The following LITAF variants were observed in gnomAD, a reference collection of about 807,000 sequenced individuals.
LITAF encodes the protein lipopolysaccharide induced TNF factor, also known as lipopolysaccharide-induced tumor necrosis factor-alpha factor.
LITAF carries 9 observed loss-of-function variants against 14.5 expected under a neutral mutation model. The observed-to-expected ratio is 0.62, with a 90% CI of 0.37 to 1.08. LITAF has a LOEUF of 1.08. LITAF is among the 50% of genes least tolerant of loss of function. The pLI is 0.01. For synonymous variants in LITAF, 98 were observed against 88.2 expected, an observed-to-expected ratio of 1.11 and a Z score of -0.62; for missense variants, 206 against 213.4, an observed-to-expected ratio of 0.97 and a Z score of 0.22.
At position 11,548,673 on chromosome 16, in the gene LITAF, C is replaced by T. The variant is rs2141676776; in HGVS notation, c.*964G>A. 2.2e-6 allele frequency: 1 copy of T among 453,194 alleles called. No homozygotes were observed. Among genetic ancestry groups the T allele is most frequent in the Non-Finnish European group, 4.4e-6 (1 of 226,658 alleles). The allele number at this position is 453,194 out of a possible 1,614,324, so 28.1% of individuals were successfully genotyped here. A position where few individuals can be genotyped will look rare whatever the true frequency, so the allele number is the denominator to read the frequency against. ...ATTACAGAAAATGGTTTTATAAATC[C>T]TCCTCTTGAAATTATGTTCAGGCCC... is the stretch of plus-strand genomic sequence containing the variant. On this transcript the variant is annotated 3_prime_UTR_variant, in exon 4 of 4. Coordinates refer to ENST00000622633, the MANE Select transcript of LITAF (RefSeq NM_001136472.2).
intron 1 of LITAF, among the ~76,000 whole-genome samples, chr16:11,562,203 G>A (rs969400790): frequency 1.3e-5 from 2 of 150,896 alleles, no homozygotes; most frequent in African/African-American, 4.9e-5. Flanking sequence ...TTACAGGCAT[G>A]AGCCACCGTG....
intron 1 of LITAF, among the ~76,000 whole-genome samples, chr16:11,574,220 T>A (rs2064593881): frequency 6.6e-6 from 1 of 151,938 alleles, no homozygotes; most frequent in African/African-American, 2.4e-5. Context: ...TTTTTTATTT[T>A]TTGTAGAGAC....
upstream of LITAF, among the ~76,000 whole-genome samples, chr16:11,592,083 T>G (rs1329246613): frequency 6.6e-6 from 1 of 152,112 alleles, no homozygotes; most frequent in Non-Finnish European, 1.5e-5. Flanking sequence ...AGCAATAAAA[T>G]AAGAAATAAA....
Position 11,556,545 on chromosome 16 carries a change from A to G in LITAF, c.186T>C (p.Tyr62=). The G allele has an allele frequency of 1.2e-6, 2 of 1,614,204 alleles. No individual in the cohort carries two copies. Among genetic ancestry groups the G allele is most frequent in the Non-Finnish European group, 1.7e-6 (2 of 1,180,044 alleles). ...TATTGGGGATGGGCGCTGGCTGGGT[A>G]TAATACGAAGGAGGATTCATGCCCT... The part of the protein sequence containing the change: ...DGKGMNPPSY[Y]TQPAPIPNNN... The change falls in exon 2 of 4, where the codon TAT becomes TAC. Residue 62 remains tyrosine, a synonymous_variant. Transcript: ENST00000622633.
At chr16:11,587,626 C>G, upstream of LITAF, 2 of 235,168 alleles carry the variant, frequency 8.5e-6, 1 homozygote, top group South Asian at 8.0e-5. Flanking sequence ...CAGGGTGGTC[C>G]GTGCCGCCAG....
chr16:11,573,355 A>T (rs954239738), intron 1 of LITAF, among the ~76,000 whole-genome samples: 1 of 152,200 alleles, frequency 6.6e-6, no homozygotes, highest in African/African-American at 2.4e-5. Context: ...GTATCGATAA[A>T]CTGAGGCTCC....
At chr16:11,580,264 T>G (rs934378675) in intron 1 of LITAF, among the ~76,000 whole-genome samples, 1 of 151,950 alleles carries the variant, frequency 6.6e-6, no homozygotes, top group African/African-American at 2.4e-5. Context: ...CAGTGAAGTT[T>G]TTTTTTTTTT....
At position 11,549,564 on chromosome 16, in the gene LITAF, C is replaced by A. The variant is rs778095903; in HGVS notation, c.*73G>T. 4 of 1,146,030 alleles carry A rather than the reference C, an allele frequency of 3.5e-6. No homozygotes were observed. The highest frequency in any genetic ancestry group is 2.0e-5 in the Admixed American group (1 of 51,168). The allele number at this position is 1,146,030 out of a possible 1,614,324, so 71.0% of individuals were successfully genotyped here. ...TGAGACCACCAGGGCAGAACCTCCA[C>A]CAGGCGTGAAGCTGGATGAGAGGTG... On this transcript the variant is annotated 3_prime_UTR_variant, in exon 4 of 4. Coordinates refer to ENST00000622633, the MANE Select transcript of LITAF (RefSeq NM_001136472.2). The surrounding 1 kb of genome is among the most constrained non-coding windows in gnomAD (Gnocchi z 4.6).
chr16:11,637,910 ATATC>A (rs1431982083), upstream of LITAF, among the ~76,000 whole-genome samples: 12,748 of 60,852 alleles, frequency 0.21, 3,895 homozygotes, highest in Non-Finnish European at 0.25. Context: ...ATATATATAT[ATATC>A]TATATCTATA....
chr16:11,564,176 C>T (rs1030255946), intron 1 of LITAF, among the ~76,000 whole-genome samples: 9 of 152,066 alleles, frequency 5.9e-5, no homozygotes, highest in Non-Finnish European at 1.3e-4. Flanking sequence ...TCCCAAAATG[C>T]TATGGTTACA....
At chr16:11,587,382 G>C (rs1032609567), upstream of LITAF, 1 of 453,772 alleles carries the variant, frequency 2.2e-6, no homozygotes, top group African/African-American at 2.0e-5. Context: ...CCTCTGGAGG[G>C]CGGCCCTTCT....
upstream of LITAF, among the ~76,000 whole-genome samples, chr16:11,639,548 C>G (rs1454109766): frequency 6.6e-6 from 1 of 151,760 alleles, no homozygotes; most frequent in African/African-American, 2.4e-5. Context: ...CATAGGTATT[C>G]CCCGTATAGT....
rs567908262 is a variant in LITAF at position 11,622,417 on chromosome 16, C to T, written c.85+11116G>A. Among the ~76,000 whole-genome samples the T allele has an allele frequency of 2.3e-3, 350 of 152,346 alleles. 2 individuals are homozygous for T. Among genetic ancestry groups the T allele is most frequent in the African/African-American group, 7.9e-3 (329 of 41,576 alleles). ...GCTCAGGCCCAGGAAAAACAAACCC[C>T]GGATGGCTGGAGAGCCCCCGGGAAG... is the stretch of plus-strand genomic sequence containing the variant. On this transcript the variant is annotated intron_variant, in intron 3 of 3. Transcript: ENST00000574848.
chr16:11,553,413 A>G lies in LITAF; in HGVS notation c.377+120T>C. ...GCGACAGAACCAGATTCCATCTCAA[A>G]AAAAAACAACACAAATGTCTGGCCC... is the stretch of plus-strand genomic sequence containing the variant. On this transcript the variant is annotated intron_variant, in intron 3 of 3. Transcript: ENST00000622633. The surrounding 1 kb of genome is among the most constrained non-coding windows in gnomAD (Gnocchi z 7.7). 2 of 1,183,484 alleles carry G rather than the reference A, an allele frequency of 1.7e-6. No homozygotes were observed. Among genetic ancestry groups the G allele is most frequent in the Non-Finnish European group, 2.4e-6 (2 of 827,620 alleles). 73.3% of individuals were successfully genotyped at this position (1,183,484 alleles called of 1,614,324 possible). A position where few individuals can be genotyped will look rare whatever the true frequency, so the allele number is the denominator to read the frequency against.
At chr16:11,560,566 G>A (rs1456190335) in intron 1 of LITAF, among the ~76,000 whole-genome samples, 1 of 144,144 alleles carries the variant, frequency 6.9e-6, no homozygotes, top group African/African-American at 2.6e-5. Context: ...CTGGGCCACA[G>A]AGCGAGATTC....
In LITAF at chr16:11,573,744, CA is replaced by C. The variant is rs561438433; in HGVS notation, c.-6+13141del. Among the ~76,000 whole-genome samples the C allele has an allele frequency of 7.6e-3, 1,087 of 143,724 alleles. 9 individuals carry two copies. Among genetic ancestry groups the C allele is most frequent in the Middle Eastern group, 0.018 (5 of 276 alleles). 94.3% of individuals were successfully genotyped at this position (143,724 alleles called of 152,430 possible). On this transcript the variant is annotated intron_variant, in intron 1 of 3. Transcript: ENST00000622633. ...TTTTTAGGAGTCTTGCTCTGTTGCCCAGGTTGGAGTGCAGTGGCGCGATCTC... is the reference window on the plus strand; with the variant it reads ...TTTTTAGGAGTCTTGCTCTGTTGCCCGGTTGGAGTGCAGTGGCGCGATCTC...
At chr16:11,594,257 A>C (rs958250845) in intron 1 of LITAF, among the ~76,000 whole-genome samples, 2 of 152,122 alleles carry the variant, frequency 1.3e-5, no homozygotes, top group African/African-American at 4.8e-5. Context: ...TGAATTGTAC[A>C]GTTTAAACTA....
intron 3 of LITAF, among the ~76,000 whole-genome samples, chr16:11,619,574 G>GT (rs200552184): frequency 0.026 from 3,764 of 143,988 alleles, 119 homozygotes; most frequent in Admixed American, 0.11. Context: ...CTTTGTTTTT[G>GT]TTTTTTTTTT....
upstream of LITAF, among the ~76,000 whole-genome samples, chr16:11,588,545 G>T (rs1321740166): frequency 8.3e-6 from 1 of 120,172 alleles, no homozygotes; most frequent in Non-Finnish European, 1.8e-5. Flanking sequence ...AGAAAAAGAA[G>T]AAAGAAAGAG....
Sources: allele counts gnomAD v4.1 joint callset (sites outside exome capture counted in the v4.1 genomes callset), GRCh38; gene constraint gnomAD v4.1.1; non-coding constraint Gnocchi (gnomAD v3.1); transcripts MANE v1.5; gene names NCBI Gene and HGNC (gene_info 2026-07-23, HGNC 2026-07-21).